The following ZNF804A variants were observed in gnomAD, a reference collection of about 807,000 sequenced individuals.
The protein encoded by ZNF804A is zinc finger protein 804A.
A neutral mutation model predicts 16.5 loss-of-function variants in ZNF804A; 2 were observed. The ratio of observed to expected loss-of-function variants is 0.12; its 90% CI spans 0.05 to 0.38. ZNF804A has a LOEUF of 0.38. ZNF804A is among the 10% of genes least tolerant of loss of function. ZNF804A has a pLI of 0.99. For missense variants in ZNF804A, 1,473 were observed against 1,390.7 expected (o/e 1.06, Z -0.94); for synonymous variants, 534 against 489.6 (o/e 1.09, Z -1.20).
intron 1 of ZNF804A, among the ~76,000 whole-genome samples, chr2:184,838,871 G>C (rs1484430667): frequency 6.6e-6 from 1 of 152,036 alleles, no homozygotes; most frequent in East Asian, 1.9e-4. Context: ...CCTACAAATT[G>C]ATTATATAGA....
At chr2:184,691,617 T>C (rs1232858935) in intron 1 of ZNF804A, among the ~76,000 whole-genome samples, 1 of 151,816 alleles carries the variant, frequency 6.6e-6, no homozygotes, top group African/African-American at 2.4e-5. Context: ...ATTAGAATAT[T>C]ATTATTTGGA....
At chr2:184,617,116 T>A (rs1039332248) in intron 1 of ZNF804A, among the ~76,000 whole-genome samples, 4 of 152,118 alleles carry the variant, frequency 2.6e-5, no homozygotes, top group Non-Finnish European at 4.4e-5. Context: ...TAAAAAAACT[T>A]GAAAAAACTG....
chr2:184,929,817 T>C (rs1389779225), intron 2 of ZNF804A, among the ~76,000 whole-genome samples: 1 of 152,118 alleles, frequency 6.6e-6, no homozygotes, highest in East Asian at 1.9e-4. Context: ...ATCCCCAACA[T>C]CCAACCCTTT....
intron 1 of ZNF804A, among the ~76,000 whole-genome samples, chr2:184,818,259 T>C (rs1232812428): frequency 6.6e-6 from 1 of 152,046 alleles, no homozygotes; most frequent in African/African-American, 2.4e-5. Context: ...ATATTCAATA[T>C]TTTTAAAGAA....
rs1685823640 is a variant in ZNF804A, at chr2:184,938,077, A to T, written c.2681A>T (p.Glu894Val). 1.2e-6 allele frequency: 2 copies of T among 1,614,012 alleles called. No homozygotes were observed. Among genetic ancestry groups the T allele is most frequent in the African/African-American group, 1.3e-5 (1 of 74,938 alleles). The change falls in exon 4 of 4, where the codon GAA becomes GTA. Residue 894 changes from glutamate to valine, a missense_variant. Glu to Val is a moderately radical substitution (Grantham distance 121). Transcript: ENST00000302277. ...NNLLPSETNGETEHLEMETTS... is the reference protein window; with the variant it reads ...NNLLPSETNGVTEHLEMETTS... ...CTCCTTCCTTCTGAAACCAATGGTG[A>T]AACTGAGCATTTAGAAATGGAGACC...
At chr2:184,664,761 G>A (rs1692230273) in intron 1 of ZNF804A, among the ~76,000 whole-genome samples, 1 of 152,104 alleles carries the variant, frequency 6.6e-6, no homozygotes, top group South Asian at 2.1e-4. Context: ...ACAGAGGGAG[G>A]CTTGTTATGG....
At chr2:184,921,126 T>A (rs1685522242) in intron 2 of ZNF804A, among the ~76,000 whole-genome samples, 1 of 152,188 alleles carries the variant, frequency 6.6e-6, no homozygotes, top group African/African-American at 2.4e-5. Flanking sequence ...ACCAAAGTGT[T>A]ATTATTTGGA....
intron 2 of ZNF804A, among the ~76,000 whole-genome samples, chr2:184,890,140 C>T (rs1488932173): frequency 6.6e-6 from 1 of 152,046 alleles, no homozygotes; most frequent in East Asian, 1.9e-4. Flanking sequence ...TGATTCATGT[C>T]ACAAAAATCT....
In ZNF804A at chr2:184,711,992, T is replaced by C. The variant is rs187819629; in HGVS notation, c.111+112922T>C. 7.3e-3 allele frequency among the ~76,000 whole-genome samples: 1,111 copies of C among 151,926 alleles called. 15 individuals are homozygous for C. The highest frequency in any genetic ancestry group is 0.026 in the African/African-American group (1,064 of 41,534). Reference sequence around the variant, plus strand: ...GAATATTAGTATAATTATAATCTTTTTCTGTAAGAAATGCATTAGTATTTT... The same window carrying C: ...GAATATTAGTATAATTATAATCTTTCTCTGTAAGAAATGCATTAGTATTTT... On this transcript the variant is annotated intron_variant, in intron 1 of 3. Transcript: ENST00000302277.
intron 2 of ZNF804A, among the ~76,000 whole-genome samples, chr2:184,881,221 A>G (rs753241808): frequency 6.6e-6 from 1 of 152,044 alleles, no homozygotes; most frequent in Non-Finnish European, 1.5e-5. Flanking sequence ...AAATAAAGAG[A>G]AAAGAATAAA....
chr2:184,872,266 C>G (rs1349631416), intron 2 of ZNF804A, among the ~76,000 whole-genome samples: 1 of 152,024 alleles, frequency 6.6e-6, no homozygotes, highest in African/African-American at 2.4e-5. Flanking sequence ...AAATACCAAA[C>G]ACATTCTTTT....
intron 2 of ZNF804A, among the ~76,000 whole-genome samples, chr2:184,878,604 C>CA (rs35024575): frequency 1.3e-5 from 2 of 151,832 alleles, no homozygotes; most frequent in East Asian, 1.9e-4. Context: ...GCAGTTATCT[C>CA]AAAAAACTTG....
At chr2:184,613,581 A>G (rs949763153) in intron 1 of ZNF804A, among the ~76,000 whole-genome samples, 6 of 152,200 alleles carry the variant, frequency 3.9e-5, no homozygotes, top group Non-Finnish European at 5.9e-5. Flanking sequence ...ATTAAAAATT[A>G]ATAAAAAGAA....
intron 2 of ZNF804A, among the ~76,000 whole-genome samples, chr2:184,914,407 G>C (rs1470241702): frequency 6.6e-6 from 1 of 152,052 alleles, no homozygotes; most frequent in Non-Finnish European, 1.5e-5. Flanking sequence ...TTCTGGCAAG[G>C]GACAAACTTA....
chr2:184,681,908 T>C (rs1164096514), intron 1 of ZNF804A, among the ~76,000 whole-genome samples: 1 of 152,240 alleles, frequency 6.6e-6, no homozygotes, highest in Non-Finnish European at 1.5e-5. Context: ...CCCTGGCCTC[T>C]ACTCACTCCT....
At chr2:184,899,394 C>A (rs1465857629) in intron 2 of ZNF804A, among the ~76,000 whole-genome samples, 7 of 151,908 alleles carry the variant, frequency 4.6e-5, no homozygotes, top group Non-Finnish European at 8.8e-5. Context: ...TATAGAATCT[C>A]TTTTTTACTT....
In ZNF804A at chr2:184,938,083, A is replaced by G; in HGVS notation, c.2687A>G (p.Glu896Gly). ...LLPSETNGET[E>G]HLEMETTSGE... ...CCTTCTGAAACCAATGGTGAAACTG[A>G]GCATTTAGAAATGGAGACCACTTCT... Residue 896 changes from glutamate (E) to glycine (G), a missense_variant, in exon 4 of 4, where the codon GAG becomes GGG. By Grantham distance (98) the Glu-to-Gly change is moderately conservative (BLOSUM62 -2). Coordinates refer to ENST00000302277, the MANE Select transcript of ZNF804A (RefSeq NM_194250.2). 1 of 1,614,152 alleles carries G rather than the reference A, an allele frequency of 6.2e-7. No homozygotes were observed. The highest frequency in any genetic ancestry group is 1.6e-4 in the Middle Eastern group (1 of 6,062).
intron 1 of ZNF804A, among the ~76,000 whole-genome samples, chr2:184,603,555 G>T (rs958096566): frequency 2.6e-5 from 4 of 152,010 alleles, no homozygotes; most frequent in African/African-American, 9.7e-5. Context: ...AATTTAAAAG[G>T]CTTCTCTTCT....
intron 2 of ZNF804A, among the ~76,000 whole-genome samples, chr2:184,933,185 CT>C (rs1356772171): frequency 6.6e-6 from 1 of 151,702 alleles, no homozygotes; most frequent in Non-Finnish European, 1.5e-5. Context: ...GACCAGATAA[CT>C]TTCTAATATA....
Sources: allele counts gnomAD v4.1 joint callset (sites outside exome capture counted in the v4.1 genomes callset), GRCh38; gene constraint gnomAD v4.1.1; transcripts MANE v1.5; gene names NCBI Gene and HGNC (gene_info 2026-07-23, HGNC 2026-07-21).